Variants in GPSM2 observed in about 807,000 individuals in gnomAD.
The protein encoded by GPSM2 is G protein signaling modulator 2.
Under a neutral mutation model 78.4 loss-of-function variants are expected in GPSM2, and 58 were observed. That is an observed-to-expected ratio of 0.74 (90% CI 0.60 to 0.92). The LOEUF is 0.92. Ranked by LOEUF, GPSM2 falls within the 40% of genes least tolerant of loss-of-function variation. The probability of loss-of-function intolerance (pLI) is 0.00; values close to 1 mark genes in which losing one functional copy is unlikely to be tolerated. For synonymous variants in GPSM2, 224 were observed against 280.2 expected, an observed-to-expected ratio of 0.80 and a Z score of 2.00; for missense variants, 700 against 815.5, an observed-to-expected ratio of 0.86 and a Z score of 1.73.
chr1:108,915,370 A>T (rs1570938651), intron 11 of GPSM2, among the ~76,000 whole-genome samples: 1 of 62,804 alleles, frequency 1.6e-5, no homozygotes, highest in Admixed American at 1.2e-4. Flanking sequence ...ACTTGTCTCA[A>T]AAAAAAAAAA....
intron 2 of GPSM2, among the ~76,000 whole-genome samples, chr1:108,886,334 T>C (rs1647548340): frequency 6.6e-6 from 1 of 152,274 alleles, no homozygotes; most frequent in African/African-American, 2.4e-5. Flanking sequence ...TTTTTAAGCT[T>C]AATGTCTAGT....
intron 3 of GPSM2, 133 bp from the exon 4 acceptor site, chr1:108,897,359 C>T: frequency 2.4e-6 from 2 of 821,548 alleles, no homozygotes; most frequent in East Asian, 5.3e-5. Context: ...GTTTCAAAGC[C>T]AATGGGTTTT....
In GPSM2 at chr1:108,898,901, T is replaced by C; in HGVS notation, c.704T>C (p.Phe235Ser). ...CAGCGTCTCCTTATTGCAAAAGAAT[T>C]TGGAGATAAAGCAGCTGAAAGAAGA... Reference protein sequence around the residue: ...HEQRLLIAKEFGDKAAERRAY... With the variant: ...HEQRLLIAKESGDKAAERRAY... The change falls in exon 7 of 15, where the codon TTT (phenylalanine) becomes TCT (serine). Residue 235 changes from phenylalanine (F) to serine (S), a missense_variant. Coordinates refer to ENST00000264126, the MANE Select transcript of GPSM2 (RefSeq NM_013296.5). The C allele has an allele frequency of 6.2e-7, 1 of 1,612,600 alleles. No individual in the cohort carries two copies. The highest frequency in any genetic ancestry group is 2.2e-5 in the East Asian group (1 of 44,846).
Position 108,930,305 on chromosome 1 carries a change from T to A in GPSM2, c.*365T>A, listed in dbSNP as rs1475969083. The A allele has an allele frequency of 5.4e-5, 10 of 185,458 alleles. No individual in the cohort carries two copies. The highest frequency in any genetic ancestry group is 2.3e-3 in the Middle Eastern group (1 of 434). 11.5% of individuals were successfully genotyped at this position (185,458 alleles called of 1,614,324 possible). A position where few individuals can be genotyped will look rare whatever the true frequency, so the allele number is the denominator to read the frequency against. ...ATCTTAATTGACAATGGCGTTTTTTTATACATAACCATGGATGTAGTGGGA... is the reference window on the plus strand; with the variant it reads ...ATCTTAATTGACAATGGCGTTTTTTAATACATAACCATGGATGTAGTGGGA... On this transcript the variant is annotated 3_prime_UTR_variant, in exon 15 of 15. Coordinates refer to ENST00000264126, the MANE Select transcript of GPSM2 (RefSeq NM_013296.5).
At chr1:108,888,341 T>C (rs981412880) in intron 2 of GPSM2, among the ~76,000 whole-genome samples, 2 of 151,796 alleles carry the variant, frequency 1.3e-5, no homozygotes, top group African/African-American at 4.8e-5. Context: ...CGTGAGCCAC[T>C]GCACTTGGCC....
intron 14 of GPSM2, among the ~76,000 whole-genome samples, chr1:108,928,641 G>A (rs947921865): frequency 2.6e-5 from 4 of 152,146 alleles, no homozygotes; most frequent in Non-Finnish European, 4.4e-5. Context: ...ATACTTGTAA[G>A]TGCATGTATT....
intron 11 of GPSM2, among the ~76,000 whole-genome samples, chr1:108,918,321 CCATT>C (rs1380699457): frequency 6.6e-6 from 1 of 152,126 alleles, no homozygotes; most frequent in Non-Finnish European, 1.5e-5. Context: ...CCTTCTCTGA[CCATT>C]CATATTTTAT....
chr1:108,887,060 G>A (rs1245690353), intron 2 of GPSM2, among the ~76,000 whole-genome samples: 5 of 151,886 alleles, frequency 3.3e-5, no homozygotes, highest in African/African-American at 1.2e-4. Context: ...CTAATTTTTT[G>A]TATTTTTAGT....
In GPSM2 at chr1:108,922,404, C is replaced by G. The variant is rs754872000; in HGVS notation, c.1441-13C>G. The G allele has an allele frequency of 1.3e-6, 2 of 1,590,952 alleles. No individual in the cohort carries two copies. The highest frequency in any genetic ancestry group is 2.2e-5 in the East Asian group (1 of 44,708). On this transcript the variant is annotated splice_polypyrimidine_tract_variant and intron_variant, in intron 12 of 14. Coordinates refer to ENST00000264126, the MANE Select transcript of GPSM2 (RefSeq NM_013296.5). ...AATATTCAAATAAACTAGACTTCCT[C>G]TCAATATTTTAGAAAATCAGTGCAG...
chr1:108,899,628 G>C (rs1200153570), intron 7 of GPSM2, among the ~76,000 whole-genome samples: 4 of 152,332 alleles, frequency 2.6e-5, no homozygotes, highest in African/African-American at 9.6e-5. Flanking sequence ...ATAGATGATA[G>C]AAAGTTTAGA....
intron 12 of GPSM2, among the ~76,000 whole-genome samples, chr1:108,921,364 G>A (rs1434638947): frequency 2.0e-5 from 3 of 151,368 alleles, no homozygotes; most frequent in Non-Finnish European, 4.4e-5. Context: ...AGGTTGCAGT[G>A]AGTCAAGATC....
intron 7 of GPSM2, among the ~76,000 whole-genome samples, chr1:108,901,314 C>G (rs1648786720): frequency 6.6e-6 from 1 of 152,144 alleles, no homozygotes; most frequent in African/African-American, 2.4e-5. Context: ...GTGACTAATG[C>G]CCGATACATA....
At chr1:108,905,458 ACATGT>A (rs1649152338) in intron 10 of GPSM2, among the ~76,000 whole-genome samples, 1 of 152,108 alleles carries the variant, frequency 6.6e-6, no homozygotes, top group African/African-American at 2.4e-5. Flanking sequence ...TTCAGTTTTC[ACATGT>A]CAGCTTACTT....
At chr1:108,893,872 T>G (rs796265839) in intron 2 of GPSM2, among the ~76,000 whole-genome samples, 25 of 152,104 alleles carry the variant, frequency 1.6e-4, no homozygotes, top group African/African-American at 6.0e-4. Flanking sequence ...CTGGCCAACA[T>G]GATGAAACCC....
intron 12 of GPSM2, among the ~76,000 whole-genome samples, chr1:108,921,917 T>C (rs1241678275): frequency 6.6e-6 from 1 of 152,220 alleles, no homozygotes; most frequent in Non-Finnish European, 1.5e-5. Context: ...TTTTGAAGCC[T>C]TCCAAATGAA....
chr1:108,924,236 G>A lies in GPSM2; in HGVS notation c.1815+22G>A, dbSNP rs705268. On this transcript the variant is annotated intron_variant, in intron 14 of 14. Coordinates refer to ENST00000264126, the MANE Select transcript of GPSM2 (RefSeq NM_013296.5). ...TCAAGTATGTCTGTATATTTTTTTCGTTCTGCATACAGCTCAGATACCACT... is the reference window on the plus strand; with the variant it reads ...TCAAGTATGTCTGTATATTTTTTTCATTCTGCATACAGCTCAGATACCACT... 0.25 allele frequency: 364,014 copies of A among 1,475,530 alleles called. 49,871 individuals are homozygous for A. Among genetic ancestry groups the A allele is most frequent in the African/African-American group, 0.56 (40,689 of 72,330 alleles). The allele number at this position is 1,475,530 out of a possible 1,614,324, so 91.4% of individuals were successfully genotyped here.
At chr1:108,921,274 G>A (rs1650690590) in intron 12 of GPSM2, among the ~76,000 whole-genome samples, 1 of 152,080 alleles carries the variant, frequency 6.6e-6, no homozygotes, top group African/African-American at 2.4e-5. Context: ...ACAAAAATTA[G>A]CCAGGTGTGG....
intron 14 of GPSM2, among the ~76,000 whole-genome samples, chr1:108,925,820 T>TG (rs971289517): frequency 7.3e-5 from 11 of 151,004 alleles, no homozygotes; most frequent in African/African-American, 1.7e-4. Context: ...AAGGCAAATG[T>TG]GGGGTTTTTT....
Position 108,877,744 on chromosome 1 carries a change from A to G in GPSM2, c.-249+516A>G, listed in dbSNP as rs893412011. On this transcript the variant is annotated intron_variant, in intron 1 of 14. Coordinates refer to ENST00000264126, the MANE Select transcript of GPSM2 (RefSeq NM_013296.5). ...CTTTTGGGCACCAACTGGTCGATTT[A>G]CCATAGAAATTGGTAGTTGCTGCAA... The G allele has an allele frequency of 4.6e-5, 7 of 152,134 alleles. No individual in the cohort carries two copies. In the South Asian group the frequency reaches 1.2e-3, roughly 27 times the overall value. 9.4% of individuals were successfully genotyped at this position (152,134 alleles called of 1,614,324 possible).
Sources: gnomAD v4.1 joint callset for allele counts (sites outside exome capture counted in the v4.1 genomes callset) on GRCh38, gnomAD v4.1.1 for gene constraint, MANE v1.5 for transcripts, NCBI Gene and HGNC (gene_info 2026-07-23, HGNC 2026-07-21) for gene names.